Variants in GABRG2 observed in about 807,000 individuals in gnomAD.
GABRG2 encodes gamma-aminobutyric acid receptor subunit gamma-2.
Under a neutral mutation model 56.4 loss-of-function variants are expected in GABRG2, and 16 were observed. The ratio of observed to expected loss-of-function variants is 0.28; its 90% CI spans 0.19 to 0.43. The LOEUF (loss-of-function observed/expected upper bound fraction) is 0.43, where lower values mean the gene tolerates loss of function less well. GABRG2 is among the 20% of genes least tolerant of loss of function. The probability of loss-of-function intolerance (pLI) is 1.00; values close to 1 mark genes in which losing one functional copy is unlikely to be tolerated. For synonymous variants in GABRG2, 208 were observed against 205.5 expected (o/e 1.01, Z -0.10); for missense variants, 327 against 582.7 (o/e 0.56, Z 4.52).
At chr5:162,106,871 A>T (rs59450080) in intron 6 of GABRG2, among the ~76,000 whole-genome samples, 2,103 of 150,808 alleles carry the variant, frequency 0.014, 43 homozygotes, top group African/African-American at 0.048. Flanking sequence ...CTTTTAAGTT[A>T]GGGGGTACAT....
intron 2 of GABRG2, chr5:162,094,678 G>A (rs1358667561): frequency 6.6e-6 from 1 of 152,462 alleles, no homozygotes; most frequent in Non-Finnish European, 1.5e-5. Flanking sequence ...CCTTATCCAG[G>A]AGAAGGCAAG....
intron 7 of GABRG2, among the ~76,000 whole-genome samples, chr5:162,147,450 C>T (rs943313004): frequency 4.6e-5 from 7 of 151,920 alleles, no homozygotes; most frequent in Non-Finnish European, 7.4e-5. Context: ...TTGCAACCCC[C>T]GCCTCCCGTG....
At chr5:162,147,687 G>A (rs763664125) in intron 7 of GABRG2, among the ~76,000 whole-genome samples, 103 of 152,096 alleles carry the variant, frequency 6.8e-4, no homozygotes, top group Admixed American at 1.8e-3. Context: ...AGTTTCCCTA[G>A]CACTTCCTTT....
chr5:162,084,548 A>T (rs186241833), intron 1 of GABRG2, among the ~76,000 whole-genome samples: 4 of 151,950 alleles, frequency 2.6e-5, no homozygotes, highest in Non-Finnish European at 5.9e-5. Context: ...ATAGAGACCA[A>T]TTAAATCAGT....
Position 162,118,387 on chromosome 5 carries a change from A to G in GABRG2, c.769+14361A>G, listed in dbSNP as rs1407928307. ...AATATGTCTAGTTTTCTTTTTATAGAAACAAGAGTGAGGTGGTAACAGGTG... is the reference window on the plus strand; with the variant it reads ...AATATGTCTAGTTTTCTTTTTATAGGAACAAGAGTGAGGTGGTAACAGGTG... On this transcript the variant is annotated intron_variant, in intron 6 of 9. Transcript: ENST00000639213. 3.9e-5 allele frequency among the ~76,000 whole-genome samples: 6 copies of G among 152,248 alleles called. No homozygotes were observed. The South Asian group carries it at 6.2e-4, about 16-fold the overall frequency.
intron 6 of GABRG2, among the ~76,000 whole-genome samples, chr5:162,120,163 G>A (rs1452762504): frequency 1.3e-5 from 2 of 152,024 alleles, no homozygotes; most frequent in African/African-American, 4.8e-5. Flanking sequence ...CATTAAATCA[G>A]GTGCTATATG....
chr5:162,082,679 A>T lies in GABRG2; in HGVS notation c.108-11149A>T, dbSNP rs143524202. 2.8e-3 allele frequency among the ~76,000 whole-genome samples: 423 copies of T among 151,870 alleles called. 1 individual carries two copies. Among genetic ancestry groups the T allele is most frequent in the African/African-American group, 8.3e-3 (345 of 41,532 alleles). ...GTGAATAAACACAAATGAGTGAATGAACACAAATTTCTATAATCTGGAGTA... is the reference window on the plus strand; with the variant it reads ...GTGAATAAACACAAATGAGTGAATGTACACAAATTTCTATAATCTGGAGTA... On this transcript the variant is annotated intron_variant, in intron 1 of 9. Transcript: ENST00000639213.
rs571595307 is a variant in GABRG2 at position 162,095,764 on chromosome 5, CAT to C, written c.327+210_327+211del. 1.3e-4 allele frequency among the ~76,000 whole-genome samples: 20 copies of C among 151,904 alleles called. No individual in the cohort carries two copies. The South Asian group carries it at 3.7e-3, about 28-fold the overall frequency. On this transcript the variant is annotated intron_variant, in intron 3 of 9. Transcript: ENST00000639213. The stretch of plus-strand genomic sequence containing the variant: ...TATTTTTATGAGAATTAAATGGGAC[CAT>C]ATATATAATTAATTTGTGTAAATAT...
chr5:162,116,113 TG>T lies in GABRG2; in HGVS notation c.769+12088del, dbSNP rs1762604812. ...AAACACCAAGGGGTGTGCGTGCATGTGTGTGTGTGTGTGTGTGTGTGTGTGT... is the reference window on the plus strand; with the variant it reads ...AAACACCAAGGGGTGTGCGTGCATGTTGTGTGTGTGTGTGTGTGTGTGTGT... On this transcript the variant is annotated intron_variant, in intron 6 of 9. Coordinates refer to ENST00000639213, the MANE Select transcript of GABRG2 (RefSeq NM_198904.4). 1.1e-4 allele frequency among the ~76,000 whole-genome samples: 9 copies of T among 80,354 alleles called. No homozygotes were observed. The South Asian group carries it at 3.2e-3, about 29-fold the overall frequency. The allele number at this position is 80,354 out of a possible 152,430, so 52.7% of individuals were successfully genotyped here. A position where few individuals can be genotyped will look rare whatever the true frequency, so the allele number is the denominator to read the frequency against.
chr5:162,119,301 C>T (rs935010834), intron 6 of GABRG2, among the ~76,000 whole-genome samples: 6 of 152,118 alleles, frequency 3.9e-5, no homozygotes, highest in African/African-American at 1.4e-4. Flanking sequence ...CTCCTGAAAA[C>T]TGATAACCTA....
intron 6 of GABRG2, among the ~76,000 whole-genome samples, chr5:162,136,216 G>A (rs1171309523): frequency 1.3e-5 from 2 of 152,110 alleles, no homozygotes; most frequent in East Asian, 1.9e-4. Context: ...AGGTGCTCAA[G>A]GGGAATGACC....
chr5:162,079,682 G>A lies in GABRG2; in HGVS notation c.107+11576G>A, dbSNP rs1445748180. ...TTTTATAAATTTACTTGTAGACAAT[G>A]TCATACCTATGTATTTATTTACTTC... is the stretch of plus-strand genomic sequence containing the variant. On this transcript the variant is annotated intron_variant, in intron 1 of 9. Coordinates refer to ENST00000639213, the MANE Select transcript of GABRG2 (RefSeq NM_198904.4). Among the ~76,000 whole-genome samples, 10 of 151,900 alleles carry A rather than the reference G, an allele frequency of 6.6e-5. No individual in the cohort carries two copies. In the East Asian group the frequency reaches 9.6e-4, roughly 15 times the overall value.
chr5:162,135,374 T>G (rs1764048356), intron 6 of GABRG2, among the ~76,000 whole-genome samples: 2 of 152,100 alleles, frequency 1.3e-5, no homozygotes, highest in Admixed American at 6.6e-5. Context: ...TCCACTTTGG[T>G]CTTAAAGACT....
intron 1 of GABRG2, among the ~76,000 whole-genome samples, chr5:162,091,378 C>T (rs1760570132): frequency 6.6e-6 from 1 of 151,812 alleles, no homozygotes; most frequent in Non-Finnish European, 1.5e-5. Context: ...ATTTTCAGTA[C>T]TGCGTGTTAG....
chr5:162,145,674 A>G (rs546267860), intron 7 of GABRG2, among the ~76,000 whole-genome samples: 34 of 152,336 alleles, frequency 2.2e-4, no homozygotes, highest in African/African-American at 7.9e-4. Context: ...TTGCTGGAAC[A>G]GTATTTAACT....
chr5:162,071,027 T>C (rs1337213141), intron 1 of GABRG2, among the ~76,000 whole-genome samples: 1 of 151,764 alleles, frequency 6.6e-6, no homozygotes. Flanking sequence ...TTTATTTGTA[T>C]GTAAATCATT....
At chr5:162,134,512 A>G (rs1763977924) in intron 6 of GABRG2, among the ~76,000 whole-genome samples, 1 of 152,104 alleles carries the variant, frequency 6.6e-6, no homozygotes, top group African/African-American at 2.4e-5. Flanking sequence ...AGTGGATTCT[A>G]TTATTATTCT....
At chr5:162,086,084 T>A (rs1363385837) in intron 1 of GABRG2, among the ~76,000 whole-genome samples, 1 of 151,974 alleles carries the variant, frequency 6.6e-6, no homozygotes, top group Non-Finnish European at 1.5e-5. Context: ...AAAAAATATT[T>A]TAAATACATG....
chr5:162,142,383 C>A, intron 7 of GABRG2, 67 bp downstream of exon 7: 1 of 1,493,526 alleles, frequency 6.7e-7, no homozygotes, highest in Non-Finnish European at 9.3e-7. Context: ...TTTTTATGTC[C>A]ATTTCTATGT....
Sources: allele counts gnomAD v4.1 joint callset (sites outside exome capture counted in the v4.1 genomes callset), GRCh38; gene constraint gnomAD v4.1.1; transcripts MANE v1.5; gene names NCBI Gene and HGNC (gene_info 2026-07-23, HGNC 2026-07-21).